AFTPH: variants seen among roughly 807,000 people sequenced by gnomAD.
The protein encoded by AFTPH is aftiphilin protein.
Under a neutral mutation model 72.5 loss-of-function variants are expected in AFTPH, and 7 were observed. The observed-to-expected ratio is 0.10, with a 90% confidence interval of 0.05 to 0.18. The LOEUF (loss-of-function observed/expected upper bound fraction) is 0.18. Among genes scored for constraint, AFTPH ranks in the 10% least tolerant of loss-of-function variants. The pLI is 1.00. For synonymous variants in AFTPH, 337 were observed against 370.1 expected, an observed-to-expected ratio of 0.91 and a Z score of 1.03; for missense variants, 979 against 1,060.5, an observed-to-expected ratio of 0.92 and a Z score of 1.07.
At chr2:64,547,663 C>T (rs2103905596) in intron 1 of AFTPH, among the ~76,000 whole-genome samples, 1 of 152,210 alleles carries the variant, frequency 6.6e-6, no homozygotes, top group East Asian at 1.9e-4. Context: ...GGGTTATAAT[C>T]CATTATTATC....
intron 1 of AFTPH, among the ~76,000 whole-genome samples, chr2:64,533,231 C>G (rs1455302695): frequency 6.6e-6 from 1 of 152,006 alleles, no homozygotes; most frequent in Non-Finnish European, 1.5e-5. Context: ...AACCCCATCT[C>G]TATAAAAAAT....
At chr2:64,562,623 G>A (rs1381683836) in intron 2 of AFTPH, among the ~76,000 whole-genome samples, 1 of 152,192 alleles carries the variant, frequency 6.6e-6, no homozygotes, top group Admixed American at 6.5e-5. Flanking sequence ...AAATGGAGAT[G>A]ATATTATTAC....
At chr2:64,526,709 G>C (rs1212759768) in intron 1 of AFTPH, among the ~76,000 whole-genome samples, 4 of 152,138 alleles carry the variant, frequency 2.6e-5, no homozygotes, top group African/African-American at 9.7e-5. Flanking sequence ...GCATATATCA[G>C]ATATAGTCAC....
intron 1 of AFTPH, among the ~76,000 whole-genome samples, chr2:64,545,664 C>A (rs1670559731): frequency 7.6e-6 from 1 of 131,126 alleles, no homozygotes; most frequent in Admixed American, 8.6e-5. Flanking sequence ...GAGGACATTA[C>A]ACTGAGTGAA....
intron 7 of AFTPH, among the ~76,000 whole-genome samples, chr2:64,583,732 C>G (rs1390750201): frequency 6.6e-6 from 1 of 152,014 alleles, no homozygotes. Context: ...AAGGAAAGTC[C>G]TTTTAAAGTA....
rs1461154538 is a variant in AFTPH at position 64,575,064 on chromosome 2, A to ATCTAACCT, written c.2394+1996_2394+1997insTCTAACCT. 3.3e-5 allele frequency among the ~76,000 whole-genome samples: 5 copies of ATCTAACCT among 152,150 alleles called. No individual in the cohort carries two copies. The East Asian group carries it at 9.6e-4, about 29-fold the overall frequency. On this transcript the variant is annotated intron_variant, in intron 6 of 8. Coordinates refer to ENST00000238856, the Ensembl canonical transcript of AFTPH. ...TGCTTGCTTCCTCCTCCATCTAACC[A>ATCTAACCT]CTTCCACCTTACAACCCCATAAACT...
chr2:64,532,352 C>A (rs1439167160), intron 1 of AFTPH, among the ~76,000 whole-genome samples: 1 of 152,040 alleles, frequency 6.6e-6, no homozygotes, highest in African/African-American at 2.4e-5. Context: ...TTAAAAAAAT[C>A]TTTATCACAA....
At chr2:64,572,426 T>C (rs773470905) in intron 5 of AFTPH, among the ~76,000 whole-genome samples, 1 of 152,168 alleles carries the variant, frequency 6.6e-6, no homozygotes, top group African/African-American at 2.4e-5. Context: ...TACAATCAGC[T>C]CTCACTTCTC....
rs1217204363 is a variant in AFTPH, at chr2:64,569,630, C to T, written c.2222C>T (p.Thr741Met). Residue 741 changes from threonine to methionine, a missense_variant, in exon 5 of 9, where the codon ACG becomes ATG. Physicochemically the swap from Thr to Met is moderately conservative, Grantham distance 81 (BLOSUM62 -1). This residue lies in a region of AFTPH where 438 missense variants were observed against 530.0 expected (regional missense o/e 0.83). Transcript: ENST00000238856. ...TGTCTAACGTGTGTGTAGCTCTTCA[C>T]GGGCAATAAGAAGCAGCCTGTTATA... 7 of 1,613,472 alleles carry T rather than the reference C, an allele frequency of 4.3e-6. No homozygotes were observed. Among genetic ancestry groups the T allele is most frequent in the African/African-American group, 2.7e-5 (2 of 74,882 alleles).
chr2:64,528,271 G>T (rs1669398471), intron 1 of AFTPH, among the ~76,000 whole-genome samples: 1 of 152,140 alleles, frequency 6.6e-6, no homozygotes, highest in Admixed American at 6.5e-5. Context: ...CACCATGCAT[G>T]TTATCTTCTT....
chr2:64,524,952 C>T lies in AFTPH; in HGVS notation c.-33+340C>T, dbSNP rs187916594. On this transcript the variant is annotated intron_variant, in intron 1 of 8. Transcript: ENST00000238856. ...CCCAAAGCTCCGCGCTGGCTGCGTTCTCCAGGGAGCTGTTCAGAAGTTTGG... is the reference window on the plus strand; with the variant it reads ...CCCAAAGCTCCGCGCTGGCTGCGTTTTCCAGGGAGCTGTTCAGAAGTTTGG... Among the ~76,000 whole-genome samples the T allele has an allele frequency of 5.1e-4, 78 of 152,356 alleles. 1 individual carries two copies. The highest frequency in any genetic ancestry group is 1.9e-4 in the East Asian group (1 of 5,182).
exon 2 of AFTPH, chr2:64,552,673 C>T (rs1398593379): frequency 6.2e-7 from 1 of 1,614,122 alleles, no homozygotes; most frequent in Non-Finnish European, 8.5e-7. Flanking sequence ...AACATTGACC[C>T]CACAGAAGAA....
intron 8 of AFTPH, among the ~76,000 whole-genome samples, chr2:64,586,524 A>G (rs1673523564): frequency 6.6e-6 from 1 of 152,146 alleles, no homozygotes; most frequent in Non-Finnish European, 1.5e-5. Context: ...TTGAATTATC[A>G]TATTGTCTTT....
chr2:64,542,305 G>A (rs1428532664), intron 1 of AFTPH, among the ~76,000 whole-genome samples: 1 of 151,960 alleles, frequency 6.6e-6, no homozygotes, highest in African/African-American at 2.4e-5. Flanking sequence ...TGGATGTTGG[G>A]GGTAGGAGGG....
intron 8 of AFTPH, 135 bp from the exon 10 acceptor site, chr2:64,591,753 T>G: frequency 1.1e-6 from 1 of 888,312 alleles, no homozygotes; most frequent in Non-Finnish European, 1.7e-6. Context: ...TATTACAAGA[T>G]TCAGGAACTA....
In AFTPH at chr2:64,553,065, G is replaced by C. The variant is rs369514900; in HGVS notation, c.1591G>C (p.Gly531Arg). Residue 531 changes from glycine to arginine, a missense_variant, in exon 2 of 9, where the codon GGG (glycine) becomes CGG (arginine). Around this residue, in one of 3 missense-constraint regions of AFTPH, gnomAD observed 438 missense variants for 530.0 expected, o/e 0.83. Transcript: ENST00000238856. Reference sequence around the variant, plus strand: ...TGAACCTGTTGCAAAACTTAAAAATGGGCAAGAAGGTGAGATTGGACATTT... The same window carrying C: ...TGAACCTGTTGCAAAACTTAAAAATCGGCAAGAAGGTGAGATTGGACATTT... 1.9e-6 allele frequency: 3 copies of C among 1,614,040 alleles called. No homozygotes were observed. The African/African-American group carries it at 4.0e-5, about 22-fold the overall frequency.
chr2:64,526,113 T>G (rs1572926657), intron 1 of AFTPH, among the ~76,000 whole-genome samples: 1 of 152,360 alleles, frequency 6.6e-6, no homozygotes, highest in African/African-American at 2.4e-5. Context: ...ACCTAGAGAC[T>G]GTTAAAAAAT....
intron 8 of AFTPH, among the ~76,000 whole-genome samples, chr2:64,589,596 C>CTTG (rs3083220): frequency 0.47 from 71,786 of 151,686 alleles, 18,644 homozygotes; most frequent in African/African-American, 0.72. Flanking sequence ...ACTGTGTAAA[C>CTTG]TTTTTATTTT....
chr2:64,558,731 C>T (rs1671538092), intron 2 of AFTPH, among the ~76,000 whole-genome samples: 1 of 152,192 alleles, frequency 6.6e-6, no homozygotes, highest in Non-Finnish European at 1.5e-5. Context: ...GTAGACTTCA[C>T]GAATGTTTAC....
Sources: gnomAD v4.1 joint callset for allele counts (sites outside exome capture counted in the v4.1 genomes callset) on GRCh38, gnomAD v4.1.1 for gene constraint, gnomAD v4.1.1 regional missense constraint, MANE v1.5 for transcripts, NCBI Gene and HGNC (gene_info 2026-07-23, HGNC 2026-07-21) for gene names.